The following LEF1 variants were observed in gnomAD, a reference collection of about 807,000 sequenced individuals.
The protein encoded by LEF1 is lymphoid enhancer binding factor 1.
Under a neutral mutation model 51.2 loss-of-function variants are expected in LEF1, and 14 were observed. The observed-to-expected ratio is 0.27, with a 90% CI of 0.18 to 0.43. The LOEUF (loss-of-function observed/expected upper bound fraction) is 0.43, where lower values mean the gene tolerates loss of function less well. Among genes scored for constraint, LEF1 ranks in the 20% least tolerant of loss-of-function variants. The pLI is 1.00. For missense variants in LEF1, 386 were observed against 512.0 expected (o/e 0.75, Z 2.37); for synonymous variants, 185 against 183.2 (o/e 1.01, Z -0.08).
At position 108,138,333 on chromosome 4, in the gene LEF1, T is replaced by C. The variant is rs553137492; in HGVS notation, c.414+25235A>G. 5.3e-5 allele frequency among the ~76,000 whole-genome samples: 8 copies of C among 152,358 alleles called. No homozygotes were observed. In the South Asian group the frequency reaches 1.4e-3, roughly 28 times the overall value. On this transcript the variant is annotated intron_variant, in intron 3 of 11. Coordinates refer to ENST00000265165, the MANE Select transcript of LEF1 (RefSeq NM_016269.5). ...GTATCAAGTATGCTCTGTATTTGCATTGCCTTTACACAAGCCTATGGGTCG... is the reference window on the plus strand; with the variant it reads ...GTATCAAGTATGCTCTGTATTTGCACTGCCTTTACACAAGCCTATGGGTCG...
rs562331304 is a variant in LEF1 at position 108,142,768 on chromosome 4, T to C, written c.414+20800A>G. Among the ~76,000 whole-genome samples the C allele has an allele frequency of 4.6e-5, 7 of 152,298 alleles. No homozygotes were observed. The East Asian group carries it at 1.2e-3, about 25-fold the overall frequency. ...CTTTGAAAATGTCTGCCCTAATCAA[T>C]ATTACATAGCTCTACAGAGAAACTC... On this transcript the variant is annotated intron_variant, in intron 3 of 11. Transcript: ENST00000265165.
intron 11 of LEF1, among the ~76,000 whole-genome samples, chr4:108,059,628 C>A (rs1394782096): frequency 1.3e-5 from 2 of 152,078 alleles, no homozygotes; most frequent in Non-Finnish European, 2.9e-5. Context: ...CCTAGCTTTA[C>A]CTTTACTCGT....
intron 3 of LEF1, among the ~76,000 whole-genome samples, chr4:108,156,837 A>G (rs1744732695): frequency 1.3e-5 from 2 of 151,784 alleles, no homozygotes; most frequent in Non-Finnish European, 2.9e-5. Flanking sequence ...AACGATAGAC[A>G]GTAGAGACTC....
chr4:108,122,753 T>C (rs1242797147), intron 3 of LEF1, among the ~76,000 whole-genome samples: 1 of 152,224 alleles, frequency 6.6e-6, no homozygotes, highest in East Asian at 1.9e-4. Flanking sequence ...CCTAAAGTGC[T>C]GAGAATAAAG....
chr4:108,064,255 A>C, intron 10 of LEF1, 81 bp downstream of exon 10: 1 of 831,846 alleles, frequency 1.2e-6, no homozygotes, highest in Non-Finnish European at 2.0e-6. Context: ...AGAAGAAAGC[A>C]GTGTGTAGAG....
chr4:108,152,127 C>G (rs78447779), intron 3 of LEF1, among the ~76,000 whole-genome samples: 6,241 of 152,280 alleles, frequency 0.041, 417 homozygotes, highest in African/African-American at 0.14. Context: ...AGAGTAGTCA[C>G]TCTTGACTGA....
intron 3 of LEF1, among the ~76,000 whole-genome samples, chr4:108,129,661 C>A (rs1285533442): frequency 1.3e-5 from 2 of 152,146 alleles, no homozygotes; most frequent in African/African-American, 4.8e-5. Context: ...AACAACGAAA[C>A]TAAGGTTGTT....
chr4:108,065,837 G>A (rs778463891), intron 9 of LEF1, among the ~76,000 whole-genome samples: 4 of 152,072 alleles, frequency 2.6e-5, no homozygotes, highest in Non-Finnish European at 5.9e-5. Flanking sequence ...TACTATAAGC[G>A]GACCATGGCT....
intron 3 of LEF1, among the ~76,000 whole-genome samples, chr4:108,108,283 T>C (rs544604904): frequency 2.6e-5 from 4 of 152,288 alleles, no homozygotes; most frequent in African/African-American, 7.2e-5. Context: ...AAGCCTAACA[T>C]TGTGCTGGTA....
At chr4:108,107,259 G>T (rs909719142) in intron 3 of LEF1, among the ~76,000 whole-genome samples, 1 of 150,806 alleles carries the variant, frequency 6.6e-6, no homozygotes, top group Non-Finnish European at 1.5e-5. Context: ...GAGAGACAGA[G>T]AAAGGTGTTT....
intron 3 of LEF1, among the ~76,000 whole-genome samples, chr4:108,109,512 T>C (rs978048453): frequency 1.1e-4 from 17 of 152,198 alleles, no homozygotes; most frequent in African/African-American, 4.1e-4. Context: ...AAAATGGTAT[T>C]AAGAACAGAG....
chr4:108,135,854 C>G (rs944733911), intron 3 of LEF1, among the ~76,000 whole-genome samples: 59 of 152,306 alleles, frequency 3.9e-4, no homozygotes, highest in African/African-American at 1.4e-3. Flanking sequence ...CCCACGCACC[C>G]CATGGGCTGG....
At chr4:108,113,456 G>T (rs1741650129) in intron 3 of LEF1, among the ~76,000 whole-genome samples, 1 of 152,160 alleles carries the variant, frequency 6.6e-6, no homozygotes, top group African/African-American at 2.4e-5. Flanking sequence ...TGTTGTGGGG[G>T]TGGGAGGGAA....
At chr4:108,155,001 A>T (rs1744603280) in intron 3 of LEF1, among the ~76,000 whole-genome samples, 1 of 152,210 alleles carries the variant, frequency 6.6e-6, no homozygotes, top group East Asian at 1.9e-4. Flanking sequence ...CGGTGACAAG[A>T]AAGCTAGAAA....
At chr4:108,051,681 C>T (rs1054508327) in intron 11 of LEF1, among the ~76,000 whole-genome samples, 2 of 152,212 alleles carry the variant, frequency 1.3e-5, no homozygotes, top group African/African-American at 2.4e-5. Flanking sequence ...GGAGTCACCA[C>T]GCATTTGTAC....
chr4:108,161,909 C>T (rs1745079024), intron 3 of LEF1, among the ~76,000 whole-genome samples: 1 of 151,988 alleles, frequency 6.6e-6, no homozygotes, highest in Admixed American at 6.6e-5. Context: ...TTCAAATATT[C>T]CTTATCTAAA....
At chr4:108,115,128 C>G (rs950046722) in intron 3 of LEF1, among the ~76,000 whole-genome samples, 1 of 152,178 alleles carries the variant, frequency 6.6e-6, no homozygotes, top group East Asian at 1.9e-4. Context: ...TAATTCCATG[C>G]GCACACCTAT....
chr4:108,070,584 C>G lies in LEF1; in HGVS notation c.1116+79G>C, dbSNP rs1261148598. On this transcript the variant is annotated intron_variant, in intron 9 of 11. Transcript: ENST00000265165. ...TAAGTAGTACCAGCATTATATACAC[C>G]TAAAACACATTTCCTTCTTGAACGC... 5 of 961,616 alleles carry G rather than the reference C, an allele frequency of 5.2e-6. No individual in the cohort carries two copies. In the East Asian group the frequency reaches 7.2e-5, roughly 14 times the overall value. 59.6% of individuals were successfully genotyped at this position (961,616 alleles called of 1,614,324 possible).
intron 3 of LEF1, among the ~76,000 whole-genome samples, chr4:108,092,917 T>TAAAAAAAAAAAAAAAAAAAAAAA (rs71592104): frequency 3.2e-5 from 1 of 31,142 alleles, no homozygotes; most frequent in Non-Finnish European, 5.3e-5. Flanking sequence ...AATGAATATG[T>TAAAAAAAAAAAAAAAAAAAAAAA]AAAAAAAAAA....
Sources: allele counts gnomAD v4.1 joint callset (sites outside exome capture counted in the v4.1 genomes callset), GRCh38; gene constraint gnomAD v4.1.1; transcripts MANE v1.5; gene names NCBI Gene and HGNC (gene_info 2026-07-23, HGNC 2026-07-21).